Variants in ERBB4 observed in about 807,000 individuals in gnomAD.
The protein encoded by ERBB4 is receptor tyrosine-protein kinase erbB-4.
ERBB4 carries 42 observed loss-of-function variants against 158.0 expected under a neutral mutation model. The observed-to-expected ratio is 0.27, with a 90% CI of 0.21 to 0.34. The LOEUF is 0.34. ERBB4 is among the 10% of genes least tolerant of loss of function. The pLI is 1.00. For missense variants in ERBB4, 1,333 were observed against 1,624.1 expected (o/e 0.82, Z 3.08); for synonymous variants, 583 against 558.7 (o/e 1.04, Z -0.61).
intron 15 of ERBB4, among the ~76,000 whole-genome samples, chr2:211,662,956 C>T (rs1370840310): frequency 6.6e-6 from 1 of 152,194 alleles, no homozygotes; most frequent in Non-Finnish European, 1.5e-5. Context: ...GGTGAGCTCA[C>T]ACTTACTGAT....
At chr2:211,763,993 T>C (rs2075484582) in intron 4 of ERBB4, among the ~76,000 whole-genome samples, 1 of 152,066 alleles carries the variant, frequency 6.6e-6, no homozygotes, top group Admixed American at 6.6e-5. Context: ...AATGCCACTG[T>C]AAGCCAAAGG....
At chr2:212,091,552 C>T (rs190365271) in intron 2 of ERBB4, among the ~76,000 whole-genome samples, 243 of 152,184 alleles carry the variant, frequency 1.6e-3, no homozygotes, top group Non-Finnish European at 2.5e-3. Flanking sequence ...TTTTGCATGA[C>T]CCCTGAAGGG....
At chr2:211,709,250 T>TATATAC (rs796457073) in intron 9 of ERBB4, among the ~76,000 whole-genome samples, 2 of 124,304 alleles carry the variant, frequency 1.6e-5, no homozygotes, top group Admixed American at 1.7e-4. Flanking sequence ...TATATATATA[T>TATATAC]ACACATATAT....
chr2:212,068,836 T>G (rs1415969828), intron 2 of ERBB4, among the ~76,000 whole-genome samples: 1 of 152,076 alleles, frequency 6.6e-6, no homozygotes, highest in African/African-American at 2.4e-5. Context: ...TTTGTTGTAA[T>G]TTTGTGTTTT....
intron 3 of ERBB4, among the ~76,000 whole-genome samples, chr2:211,895,363 T>G (rs1228700241): frequency 6.6e-6 from 1 of 152,156 alleles, no homozygotes; most frequent in Admixed American, 6.5e-5. Context: ...GCTAAAGTGA[T>G]CCTTCAGACT....
intron 25 of ERBB4, among the ~76,000 whole-genome samples, chr2:211,408,774 G>A (rs2063196415): frequency 6.6e-6 from 1 of 152,146 alleles, no homozygotes; most frequent in African/African-American, 2.4e-5. Flanking sequence ...TTATTTAATA[G>A]GCCAAGAATT....
intron 1 of ERBB4, among the ~76,000 whole-genome samples, chr2:212,191,485 T>C (rs1270393256): frequency 6.6e-6 from 1 of 152,148 alleles, no homozygotes; most frequent in Non-Finnish European, 1.5e-5. Context: ...GTGTTATACA[T>C]GTTATACCTG....
At chr2:211,994,413 A>C (rs1345312933) in intron 2 of ERBB4, among the ~76,000 whole-genome samples, 1 of 152,210 alleles carries the variant, frequency 6.6e-6, no homozygotes, top group Non-Finnish European at 1.5e-5. Context: ...GATCACAGGC[A>C]TGAACCACCA....
intron 1 of ERBB4, among the ~76,000 whole-genome samples, chr2:212,257,745 C>A (rs766799256): frequency 6.6e-6 from 1 of 152,024 alleles, no homozygotes; most frequent in Non-Finnish European, 1.5e-5. Context: ...AACTTCTTTG[C>A]ACTTTGTAAT....
At chr2:212,250,355 G>A (rs2084484755) in intron 1 of ERBB4, among the ~76,000 whole-genome samples, 1 of 151,848 alleles carries the variant, frequency 6.6e-6, no homozygotes, top group South Asian at 2.1e-4. Flanking sequence ...CCAACCTTAT[G>A]TAATTGTGAG....
chr2:212,529,359 C>T (rs1692623672), intron 1 of ERBB4, among the ~76,000 whole-genome samples: 1 of 151,930 alleles, frequency 6.6e-6, no homozygotes, highest in Non-Finnish European at 1.5e-5. Flanking sequence ...GAAATAAAAC[C>T]AACAGAAATT....
At chr2:211,541,006 C>A (rs1417872974) in intron 20 of ERBB4, among the ~76,000 whole-genome samples, 7 of 151,818 alleles carry the variant, frequency 4.6e-5, no homozygotes, top group Non-Finnish European at 1.0e-4. Context: ...TAATATATAT[C>A]CTATTAGTTT....
At chr2:211,786,480 CAATT>C (rs2076167869) in intron 4 of ERBB4, among the ~76,000 whole-genome samples, 1 of 152,100 alleles carries the variant, frequency 6.6e-6, no homozygotes, top group Non-Finnish European at 1.5e-5. Context: ...TTTGCACCTG[CAATT>C]ATTTACATGA....
intron 1 of ERBB4, among the ~76,000 whole-genome samples, chr2:212,449,102 C>T (rs115557665): frequency 0.012 from 1,799 of 152,166 alleles, 32 homozygotes; most frequent in African/African-American, 0.041. Flanking sequence ...TCATTCTTTC[C>T]TAACTCATTA....
intron 7 of ERBB4, 41 bp from the exon 8 acceptor site, chr2:211,713,689 T>G (rs770119380): frequency 2.5e-6 from 3 of 1,178,636 alleles, no homozygotes; most frequent in Admixed American, 1.7e-5. Flanking sequence ...GCATTAATGT[T>G]AACATTCAGC....
At chr2:212,408,071 TTTTTA>T (rs1274342327) in intron 1 of ERBB4, among the ~76,000 whole-genome samples, 5 of 151,928 alleles carry the variant, frequency 3.3e-5, no homozygotes, top group African/African-American at 4.8e-5. Flanking sequence ...TAACATTTTA[TTTTTA>T]TTTATTTTTA....
intron 12 of ERBB4, among the ~76,000 whole-genome samples, chr2:211,682,829 A>C (rs763725471): frequency 7.9e-5 from 12 of 152,130 alleles, no homozygotes; most frequent in Admixed American, 2.0e-4. Flanking sequence ...CCAATCTGAT[A>C]ATCTCTGCCC....
chr2:211,518,965 T>C (rs576052148), intron 20 of ERBB4, among the ~76,000 whole-genome samples: 17 of 152,250 alleles, frequency 1.1e-4, no homozygotes. Flanking sequence ...CTCAGCCCTC[T>C]CTCTGTCTTC....
chr2:211,944,206 A>ATATATATATAGAG (rs371912701), intron 3 of ERBB4, among the ~76,000 whole-genome samples: 2 of 104,060 alleles, frequency 1.9e-5, no homozygotes, highest in Non-Finnish European at 3.6e-5. Flanking sequence ...TATACTATAT[A>ATATATATATAGAG]TATATATACA....
Sources: gnomAD v4.1 joint callset for allele counts (sites outside exome capture counted in the v4.1 genomes callset) on GRCh38, gnomAD v4.1.1 for gene constraint, MANE v1.5 for transcripts, NCBI Gene and HGNC (gene_info 2026-07-23, HGNC 2026-07-21) for gene names.